Variants in GRIK1 observed in about 807,000 individuals in gnomAD.
GRIK1 encodes the protein glutamate ionotropic receptor kainate type subunit 1, also known as glutamate receptor ionotropic, kainate 1.
GRIK1 carries 69 observed loss-of-function variants against 105.7 expected under a neutral mutation model. That is an observed-to-expected ratio of 0.65 (90% CI 0.54 to 0.80). The LOEUF is 0.80. Ranked by LOEUF, GRIK1 falls within the 30% of genes least tolerant of loss-of-function variation. The pLI is 0.00. For missense variants in GRIK1, 1,109 were observed against 1,167.3 expected (o/e 0.95, Z 0.73); for synonymous variants, 438 against 431.3 (o/e 1.02, Z -0.19).
intron 3 of GRIK1, among the ~76,000 whole-genome samples, chr21:29,678,941 A>G (rs1485415525): frequency 6.6e-6 from 1 of 152,208 alleles, no homozygotes; most frequent in Non-Finnish European, 1.5e-5. Context: ...GTTCTAGAAG[A>G]GTATATTATT....
At chr21:29,540,083 T>C (rs2089944460) in intron 16 of GRIK1, among the ~76,000 whole-genome samples, 1 of 152,234 alleles carries the variant, frequency 6.6e-6, no homozygotes, top group Non-Finnish European at 1.5e-5. Context: ...CAAATGAATC[T>C]CTGACTGTGA....
chr21:29,792,965 G>T (rs1242524945), intron 1 of GRIK1, among the ~76,000 whole-genome samples: 1 of 152,128 alleles, frequency 6.6e-6, no homozygotes, highest in Non-Finnish European at 1.5e-5. Flanking sequence ...GTAGCACTTA[G>T]TGCAATCAAA....
chr21:29,935,721 T>C (rs1481999314), intron 1 of GRIK1, among the ~76,000 whole-genome samples: 4 of 152,222 alleles, frequency 2.6e-5, no homozygotes, highest in African/African-American at 9.7e-5. Context: ...TGTACTTAAC[T>C]ACATAATAGT....
chr21:29,850,258 G>T (rs1392851868), intron 1 of GRIK1, among the ~76,000 whole-genome samples: 1 of 151,998 alleles, frequency 6.6e-6, no homozygotes, highest in Non-Finnish European at 1.5e-5. Flanking sequence ...ATCCTGGGTA[G>T]CATTTCTTAA....
chr21:29,730,671 G>T (rs2064595176), intron 1 of GRIK1, among the ~76,000 whole-genome samples: 1 of 151,990 alleles, frequency 6.6e-6, no homozygotes. Context: ...TCCTCAGCCT[G>T]CTCCATAATA....
intron 1 of GRIK1, among the ~76,000 whole-genome samples, chr21:29,722,643 G>A (rs1160139321): frequency 6.7e-6 from 1 of 149,570 alleles, no homozygotes; most frequent in Non-Finnish European, 1.5e-5. Context: ...TGTAAACTAA[G>A]ATTAGGTGGT....
intron 1 of GRIK1, among the ~76,000 whole-genome samples, chr21:29,935,418 A>G (rs141742542): frequency 6.6e-6 from 1 of 152,290 alleles, no homozygotes; most frequent in East Asian, 1.9e-4. Context: ...GAACTCAAAT[A>G]ATATTTGTTG....
chr21:29,570,920 G>C (rs754693983), intron 14 of GRIK1, among the ~76,000 whole-genome samples: 3 of 145,776 alleles, frequency 2.1e-5, no homozygotes, highest in Non-Finnish European at 4.5e-5. Flanking sequence ...ATGTGGAATT[G>C]AATTTATGAT....
At chr21:29,786,212 C>G (rs2066256663) in intron 1 of GRIK1, among the ~76,000 whole-genome samples, 1 of 152,310 alleles carries the variant, frequency 6.6e-6, no homozygotes, top group Admixed American at 6.5e-5. Flanking sequence ...TGGTCTCGAT[C>G]TCTTGACCCT....
intron 1 of GRIK1, among the ~76,000 whole-genome samples, chr21:29,906,478 T>C (rs917316929): frequency 6.6e-6 from 1 of 152,216 alleles, no homozygotes; most frequent in Non-Finnish European, 1.5e-5. Flanking sequence ...CAGTATTTAA[T>C]TGTTTTTTAA....
intron 7 of GRIK1, among the ~76,000 whole-genome samples, chr21:29,624,360 T>G (rs1328288922): frequency 6.6e-6 from 1 of 152,148 alleles, no homozygotes; most frequent in Non-Finnish European, 1.5e-5. Flanking sequence ...TGTTTTCCAT[T>G]GCAGAATATT....
chr21:29,547,609 T>C (rs1437954094), intron 16 of GRIK1, among the ~76,000 whole-genome samples: 1 of 152,266 alleles, frequency 6.6e-6, no homozygotes, highest in African/African-American at 2.4e-5. Flanking sequence ...CCAAGTCACC[T>C]GTCTATTGGG....
intron 1 of GRIK1, among the ~76,000 whole-genome samples, chr21:29,829,839 A>G (rs1389420258): frequency 6.6e-6 from 1 of 152,202 alleles, no homozygotes; most frequent in Admixed American, 6.5e-5. Context: ...TATAATCAGA[A>G]AGAATAGAAA....
intron 1 of GRIK1, among the ~76,000 whole-genome samples, chr21:29,710,286 G>A (rs1429310213): frequency 6.6e-6 from 1 of 151,892 alleles, no homozygotes; most frequent in Non-Finnish European, 1.5e-5. Flanking sequence ...GATATTTTAT[G>A]TAGCATTTTG....
At chr21:29,754,437 C>T (rs950681693) in intron 1 of GRIK1, among the ~76,000 whole-genome samples, 12 of 152,142 alleles carry the variant, frequency 7.9e-5, no homozygotes, top group African/African-American at 2.7e-4. Context: ...CAAATAATCA[C>T]GTGTTCAAAT....
intron 1 of GRIK1, among the ~76,000 whole-genome samples, chr21:29,736,815 T>C (rs1234611923): frequency 1.3e-5 from 2 of 151,752 alleles, no homozygotes; most frequent in Non-Finnish European, 2.9e-5. Flanking sequence ...GTAGCTGGGA[T>C]TACAGGCGCC....
intron 1 of GRIK1, among the ~76,000 whole-genome samples, chr21:29,858,444 C>T (rs759906294): frequency 5.9e-5 from 9 of 152,230 alleles, no homozygotes; most frequent in South Asian, 2.1e-4. Flanking sequence ...TTATCAGTCA[C>T]CTCTGTCAGC....
At chr21:29,609,389 G>A (rs539601535) in intron 7 of GRIK1, among the ~76,000 whole-genome samples, 1 of 152,238 alleles carries the variant, frequency 6.6e-6, no homozygotes, top group African/African-American at 2.4e-5. Flanking sequence ...GGCTATAGTT[G>A]AATAAATTGG....
intron 14 of GRIK1, among the ~76,000 whole-genome samples, chr21:29,575,278 C>G (rs1256945492): frequency 2.0e-5 from 3 of 151,798 alleles, no homozygotes; most frequent in Non-Finnish European, 4.4e-5. Context: ...ACAAGTCAAA[C>G]AGTCCACTCA....
Sources: allele counts gnomAD v4.1 joint callset (sites outside exome capture counted in the v4.1 genomes callset), GRCh38; gene constraint gnomAD v4.1.1; transcripts MANE v1.5; gene names NCBI Gene and HGNC (gene_info 2026-07-23, HGNC 2026-07-21).